The following ZYG11B variants were observed in gnomAD, a reference collection of about 807,000 sequenced individuals.
The protein encoded by ZYG11B is zyg-11 family member B, cell cycle regulator, also known as protein zyg-11 homolog B.
A neutral mutation model predicts 82.4 loss-of-function variants in ZYG11B; 36 were observed. The observed-to-expected ratio is 0.44, with a 90% confidence interval of 0.33 to 0.58. ZYG11B has a LOEUF of 0.58. Among genes scored for constraint, ZYG11B ranks in the 20% least tolerant of loss-of-function variants. The probability of loss-of-function intolerance (pLI) is 0.02; values close to 1 mark genes in which losing one functional copy is unlikely to be tolerated. For missense variants in ZYG11B, 552 were observed against 895.6 expected (o/e 0.62, Z 4.90); for synonymous variants, 303 against 312.8 (o/e 0.97, Z 0.33).
At position 52,821,432 on chromosome 1, in the gene ZYG11B, T is replaced by G. The variant is rs762152309; in HGVS notation, c.2045-7T>G. On this transcript the variant is annotated splice_region_variant and splice_polypyrimidine_tract_variant and intron_variant, in intron 13 of 13. Transcript: ENST00000294353. The stretch of plus-strand genomic sequence containing the variant: ...CTGTTTTGTGTGTGTTTTTTTTTCT[T>G]TTTCAGCTTCAAGGTATTGCAGCAT... 6.6e-7 allele frequency: 1 copy of G among 1,510,958 alleles called. No homozygotes were observed. The highest frequency in any genetic ancestry group is 8.9e-7 in the Non-Finnish European group (1 of 1,124,780). The allele number at this position is 1,510,958 out of a possible 1,614,324, so 93.6% of individuals were successfully genotyped here. A position where few individuals can be genotyped will look rare whatever the true frequency, so the allele number is the denominator to read the frequency against.
chr1:52,742,493 A>T (rs897146127), intron 1 of ZYG11B, among the ~76,000 whole-genome samples: 8 of 151,456 alleles, frequency 5.3e-5, no homozygotes, highest in Non-Finnish European at 8.8e-5. Context: ...AAAAGAGAGA[A>T]TTTTTTTTGT....
intron 10 of ZYG11B, among the ~76,000 whole-genome samples, chr1:52,812,315 C>A (rs1427475486): frequency 6.6e-6 from 1 of 152,098 alleles, no homozygotes; most frequent in East Asian, 1.9e-4. Flanking sequence ...TCTAAAGAGT[C>A]TTATACTTTG....
chr1:52,745,680 C>T (rs1644469849), intron 1 of ZYG11B, among the ~76,000 whole-genome samples: 2 of 150,516 alleles, frequency 1.3e-5, no homozygotes, highest in African/African-American at 2.4e-5. Context: ...TCTCCTGCCT[C>T]AGCCTCCCGA....
At chr1:52,734,440 G>GT (rs11394003) in intron 1 of ZYG11B, among the ~76,000 whole-genome samples, 67,179 of 146,320 alleles carry the variant, frequency 0.46, 15,518 homozygotes, top group East Asian at 0.62. Context: ...GGAATAAAAG[G>GT]TTTTTTTTTT....
intron 1 of ZYG11B, among the ~76,000 whole-genome samples, chr1:52,734,953 T>G (rs1330208612): frequency 1.3e-5 from 2 of 151,656 alleles, no homozygotes; most frequent in African/African-American, 2.4e-5. Flanking sequence ...TGTCTTGAAC[T>G]CCTGACCTCA....
At chr1:52,800,585 G>GATT (rs982824061) in intron 8 of ZYG11B, among the ~76,000 whole-genome samples, 22 of 152,140 alleles carry the variant, frequency 1.4e-4, no homozygotes, top group African/African-American at 5.3e-4. Context: ...GGGGTGGGTG[G>GATT]ATTACCTGAG....
intron 1 of ZYG11B, among the ~76,000 whole-genome samples, chr1:52,727,789 A>T (rs1318822441): frequency 6.6e-6 from 1 of 152,040 alleles, no homozygotes; most frequent in East Asian, 1.9e-4. Context: ...TGGTTTTTTC[A>T]TTGAGTTGGG....
intron 1 of ZYG11B, among the ~76,000 whole-genome samples, chr1:52,734,404 C>A (rs1003888506): frequency 2.0e-5 from 3 of 149,550 alleles, no homozygotes; most frequent in African/African-American, 7.4e-5. Flanking sequence ...ATTTAATAAG[C>A]GGTAGAAATA....
chr1:52,813,562 A>G lies in ZYG11B; in HGVS notation c.1722A>G (p.Leu574=). 6.2e-7 allele frequency: 1 copy of G among 1,613,124 alleles called. No homozygotes were observed. The highest frequency in any genetic ancestry group is 8.5e-7 in the Non-Finnish European group (1 of 1,179,308). The change falls in exon 11 of 14, where the codon TTA becomes TTG. Residue 574 remains leucine (L), a synonymous_variant. Transcript: ENST00000294353. ...ACAATATAGCTGAAGTACAAGAATTACATTCTGAATTAATGTGGAAAGATT... is the reference window on the plus strand; with the variant it reads ...ACAATATAGCTGAAGTACAAGAATTGCATTCTGAATTAATGTGGAAAGATT... ...LLNNIAEVQE[L]HSELMWKDFI...
intron 1 of ZYG11B, among the ~76,000 whole-genome samples, chr1:52,742,877 A>G (rs1185649192): frequency 6.6e-6 from 1 of 150,808 alleles, no homozygotes; most frequent in Non-Finnish European, 1.5e-5. Context: ...GTTAATAAAA[A>G]AGTAAAAGTT....
At chr1:52,814,125 A>G (rs1309150443) in intron 12 of ZYG11B, among the ~76,000 whole-genome samples, 2 of 152,012 alleles carry the variant, frequency 1.3e-5, no homozygotes, top group Admixed American at 6.6e-5. Flanking sequence ...GGTTGAAGCA[A>G]TTCCCCTGCC....
chr1:52,820,463 G>A (rs563817226), intron 13 of ZYG11B, among the ~76,000 whole-genome samples: 9 of 151,530 alleles, frequency 5.9e-5, no homozygotes, highest in South Asian at 2.1e-4. Context: ...ACTGGCCAGC[G>A]TGGTAAAACC....
At chr1:52,785,435 C>T (rs1278495806) in intron 5 of ZYG11B, among the ~76,000 whole-genome samples, 3 of 152,116 alleles carry the variant, frequency 2.0e-5, no homozygotes, top group African/African-American at 4.8e-5. Context: ...GTCTTATACT[C>T]AGGATGAATA....
At chr1:52,810,041 T>G (rs1645170404) in intron 10 of ZYG11B, among the ~76,000 whole-genome samples, 2 of 152,226 alleles carry the variant, frequency 1.3e-5, no homozygotes, top group South Asian at 2.1e-4. Context: ...CTATGAATAT[T>G]CTTGAACTTT....
In ZYG11B at chr1:52,787,981, C is replaced by CT. The variant is rs1441186099; in HGVS notation, c.1270-2021dup. The stretch of plus-strand genomic sequence containing the variant: ...GATTTCAAAGGGGAAGTGACATTGA[C>CT]TCACATCTTAAAAAATGAATAAGAT... On this transcript the variant is annotated intron_variant, in intron 5 of 13. Coordinates refer to ENST00000294353, the MANE Select transcript of ZYG11B (RefSeq NM_024646.3). 2.0e-5 allele frequency among the ~76,000 whole-genome samples: 3 copies of CT among 152,126 alleles called. No individual in the cohort carries two copies. The East Asian group carries it at 5.8e-4, about 29-fold the overall frequency.
At chr1:52,765,896 G>C (rs1453919236) in intron 2 of ZYG11B, among the ~76,000 whole-genome samples, 1 of 151,786 alleles carries the variant, frequency 6.6e-6, no homozygotes, top group South Asian at 2.1e-4. Flanking sequence ...TTTTGGTTTT[G>C]GTTTTTTTCC....
intron 3 of ZYG11B, among the ~76,000 whole-genome samples, chr1:52,773,804 G>A (rs1020399706): frequency 6.7e-6 from 1 of 150,184 alleles, no homozygotes. Context: ...CACCATGCCC[G>A]GCTAAGTTTT....
chr1:52,803,470 A>ATG (rs200006221), intron 10 of ZYG11B, among the ~76,000 whole-genome samples: 35 of 147,900 alleles, frequency 2.4e-4, no homozygotes, highest in Admixed American at 3.4e-4. Context: ...CAACACATAT[A>ATG]TGTGTGTGTG....
intron 1 of ZYG11B, among the ~76,000 whole-genome samples, chr1:52,744,165 A>G (rs186048423): frequency 6.6e-6 from 1 of 151,996 alleles, no homozygotes; most frequent in Admixed American, 6.6e-5. Flanking sequence ...TCAAACTCCT[A>G]ACCTTAAGTG....
Sources: allele counts gnomAD v4.1 joint callset (sites outside exome capture counted in the v4.1 genomes callset), GRCh38; gene constraint gnomAD v4.1.1; transcripts MANE v1.5; gene names NCBI Gene and HGNC (gene_info 2026-07-23, HGNC 2026-07-21).